The following LRBA variants were observed in gnomAD, a reference collection of about 807,000 sequenced individuals.
LRBA encodes the protein lipopolysaccharide-responsive and beige-like anchor protein.
LRBA carries 176 observed loss-of-function variants against 330.0 expected under a neutral mutation model. That is an observed-to-expected ratio of 0.53 (90% CI 0.47 to 0.60). LRBA has a LOEUF of 0.60. Ranked by LOEUF, LRBA falls within the 20% of genes least tolerant of loss-of-function variation. The pLI is 0.00. For missense variants in LRBA, 3,259 were observed against 3,444.8 expected (o/e 0.95, Z 1.35); for synonymous variants, 1,230 against 1,193.0 (o/e 1.03, Z -0.64).
chr4:150,795,884 A>G lies in LRBA; in HGVS notation c.5580+2197T>C, dbSNP rs141928711. ...TTATTAAAAATAACACAAAAAGAAT[A>G]TAAGTTTTGAATGGATTCAAGAAAA... On this transcript the variant is annotated intron_variant, in intron 34 of 56. Coordinates refer to ENST00000651943, the MANE Select transcript of LRBA (RefSeq NM_001364905.1). Among the ~76,000 whole-genome samples the G allele has an allele frequency of 4.1e-3, 631 of 152,120 alleles. 4 individuals carry two copies. Among genetic ancestry groups the G allele is most frequent in the African/African-American group, 0.014 (567 of 41,560 alleles).
chr4:150,307,107 CTGAG>C (rs1228622369), intron 52 of LRBA, among the ~76,000 whole-genome samples: 2 of 151,890 alleles, frequency 1.3e-5, no homozygotes, highest in Admixed American at 6.6e-5. Flanking sequence ...AATGTTAATA[CTGAG>C]TGTCTTTAAA....
intron 31 of LRBA, among the ~76,000 whole-genome samples, chr4:150,813,710 T>A (rs1282545923): frequency 6.6e-6 from 1 of 152,120 alleles, no homozygotes; most frequent in Non-Finnish European, 1.5e-5. Flanking sequence ...TATCAAAATT[T>A]CCAAATATCC....
chr4:150,839,030 C>CA (rs1182406894), intron 28 of LRBA, among the ~76,000 whole-genome samples: 1 of 152,016 alleles, frequency 6.6e-6, no homozygotes, highest in African/African-American at 2.4e-5. Context: ...ACAAATAACT[C>CA]AAACAAATTT....
intron 30 of LRBA, among the ~76,000 whole-genome samples, chr4:150,826,479 T>C (rs1279620746): frequency 1.3e-5 from 2 of 152,184 alleles, no homozygotes; most frequent in African/African-American, 2.4e-5. Flanking sequence ...TGCTAACCCC[T>C]GAGCCTTGAA....
rs190601278 is a variant in LRBA at position 150,447,882 on chromosome 4, A to T, written c.6781-11018T>A. On this transcript the variant is annotated intron_variant, in intron 44 of 56. Coordinates refer to ENST00000651943, the MANE Select transcript of LRBA (RefSeq NM_001364905.1). ...CCACACTCCTTTTCCCAAATGAGGC[A>T]CCTTTTTTAAAACTTTCAAATTTGA... Among the ~76,000 whole-genome samples, 6 of 152,338 alleles carry T rather than the reference A, an allele frequency of 3.9e-5. No individual in the cohort carries two copies. In the East Asian group the frequency reaches 1.2e-3, roughly 29 times the overall value.
In LRBA at chr4:150,500,135, T is replaced by C. The variant is rs569718677; in HGVS notation, c.6331-9100A>G. The stretch of plus-strand genomic sequence containing the variant: ...TGTTCCCAACATGAAGAAAGGATGT[T>C]TGACATGATTAATATGCTAATTACC... On this transcript the variant is annotated intron_variant, in intron 40 of 56. Coordinates refer to ENST00000651943, the MANE Select transcript of LRBA (RefSeq NM_001364905.1). 4.6e-5 allele frequency among the ~76,000 whole-genome samples: 7 copies of C among 152,246 alleles called. No individual in the cohort carries two copies. The South Asian group carries it at 1.5e-3, about 32-fold the overall frequency.
chr4:150,270,560 GT>G (rs1173801966), intron 56 of LRBA, among the ~76,000 whole-genome samples: 1 of 152,194 alleles, frequency 6.6e-6, no homozygotes, highest in Non-Finnish European at 1.5e-5. Flanking sequence ...CAGAGCTTCT[GT>G]TTATGATGAA....
intron 17 of LRBA, among the ~76,000 whole-genome samples, chr4:150,892,633 T>TA (rs1729587043): frequency 6.6e-6 from 1 of 152,346 alleles, no homozygotes; most frequent in African/African-American, 2.4e-5. Context: ...TATGGCAGCC[T>TA]AAGCACACAA....
intron 37 of LRBA, among the ~76,000 whole-genome samples, chr4:150,680,558 T>C (rs1452173466): frequency 6.6e-6 from 1 of 152,226 alleles, no homozygotes. Context: ...TATGTCTTTA[T>C]AAAGGGTATT....
intron 33 of LRBA, among the ~76,000 whole-genome samples, chr4:150,802,400 G>T (rs949702639): frequency 1.3e-5 from 2 of 150,696 alleles, no homozygotes; most frequent in African/African-American, 4.9e-5. Flanking sequence ...TAGCTGATGT[G>T]TAATAGTGAA....
chr4:150,423,453 G>A (rs1749106440), intron 46 of LRBA: 1 of 590,652 alleles, frequency 1.7e-6, no homozygotes, highest in South Asian at 2.0e-5. Flanking sequence ...GTTGCCAGCG[G>A]GCCCCATTTC....
chr4:150,910,425 T>C (rs7664852), intron 9 of LRBA, among the ~76,000 whole-genome samples: 4,238 of 152,262 alleles, frequency 0.028, 182 homozygotes, highest in African/African-American at 0.097. Context: ...GTTGAACACA[T>C]TGTCCTTTCC....
At position 150,525,706 on chromosome 4, in the gene LRBA, C is replaced by T. The variant is rs116744630; in HGVS notation, c.6331-34671G>A. Among the ~76,000 whole-genome samples, 143 of 152,204 alleles carry T rather than the reference C, an allele frequency of 9.4e-4. 4 individuals are homozygous for T. Among genetic ancestry groups the T allele is most frequent in the African/African-American group, 3.3e-3 (138 of 41,548 alleles). ...CAATTTTTACAAAACACCAATTATG[C>T]AACACATACTTATATCTGATTTCTC... On this transcript the variant is annotated intron_variant, in intron 40 of 56. Transcript: ENST00000651943.
At chr4:150,662,984 A>AC (rs1285089565) in intron 37 of LRBA, among the ~76,000 whole-genome samples, 1 of 152,110 alleles carries the variant, frequency 6.6e-6, no homozygotes, top group Non-Finnish European at 1.5e-5. Context: ...AAACAAACAA[A>AC]AAAAAACAGA....
At chr4:150,568,225 T>C (rs1434772805) in intron 40 of LRBA, among the ~76,000 whole-genome samples, 2 of 151,852 alleles carry the variant, frequency 1.3e-5, no homozygotes, top group Non-Finnish European at 2.9e-5. Context: ...TGGCATCCAA[T>C]GATAGATGTA....
intron 5 of LRBA, among the ~76,000 whole-genome samples, chr4:150,920,444 G>A (rs1733125311): frequency 6.6e-6 from 1 of 152,260 alleles, no homozygotes; most frequent in South Asian, 2.1e-4. Flanking sequence ...AGCTACTCAG[G>A]AGGCTGAGGC....
At chr4:150,432,169 G>A (rs1427221016) in intron 46 of LRBA, among the ~76,000 whole-genome samples, 2 of 151,010 alleles carry the variant, frequency 1.3e-5, no homozygotes, top group Non-Finnish European at 2.9e-5. Context: ...CTTACATTTC[G>A]TTTTTGGAAA....
At position 150,735,150 on chromosome 4, in the gene LRBA, G is replaced by A. The variant is rs575370227; in HGVS notation, c.5754+108C>T. The stretch of plus-strand genomic sequence containing the variant: ...CTATAAACCTAGATTTTAATTTTTT[G>A]ATGACATATACTATGTTTCTTTGGA... On this transcript the variant is annotated intron_variant, in intron 36 of 56. Transcript: ENST00000651943. 5 of 786,138 alleles carry A rather than the reference G, an allele frequency of 6.4e-6. No individual in the cohort carries two copies. In the African/African-American group the frequency reaches 8.6e-5, roughly 14 times the overall value. The allele number at this position is 786,138 out of a possible 1,614,324, so 48.7% of individuals were successfully genotyped here.
intron 40 of LRBA, among the ~76,000 whole-genome samples, chr4:150,518,968 A>C (rs554289229): frequency 3.4e-4 from 52 of 152,302 alleles, no homozygotes; most frequent in African/African-American, 1.2e-3. Flanking sequence ...TCTGCCACAA[A>C]CATTAATAGT....
Sources: gnomAD v4.1 joint callset for allele counts (sites outside exome capture counted in the v4.1 genomes callset) on GRCh38, gnomAD v4.1.1 for gene constraint, MANE v1.5 for transcripts, NCBI Gene and HGNC (gene_info 2026-07-23, HGNC 2026-07-21) for gene names.